Variants in MISP observed in about 807,000 individuals in gnomAD.
MISP encodes the protein mitotic spindle positioning, also known as mitotic interactor and substrate of PLK1.
A neutral mutation model predicts 49.3 loss-of-function variants in MISP; 51 were observed. That is an observed-to-expected ratio of 1.03 (90% CI 0.83 to 1.31). The LOEUF is 1.31. MISP is among the 50% of genes most tolerant of loss of function. MISP has a pLI of 0.00. For missense variants in MISP, 1,084 were observed against 935.1 expected, an observed-to-expected ratio of 1.16 and a Z score of -2.08; for synonymous variants, 444 against 392.6, an observed-to-expected ratio of 1.13 and a Z score of -1.55.
At position 757,602 on chromosome 19, in the gene MISP, C is replaced by A. The variant is rs189638901; in HGVS notation, c.656C>A (p.Thr219Asn). 1 of 1,612,686 alleles carries A rather than the reference C, an allele frequency of 6.2e-7. No homozygotes were observed. The highest frequency in any genetic ancestry group is 2.2e-5 in the East Asian group (1 of 44,824). Residue 219 changes from threonine to asparagine, a missense_variant, in exon 2 of 5, where the codon ACC becomes AAC. Coordinates refer to ENST00000215582, the MANE Select transcript of MISP (RefSeq NM_173481.4). ...CCTCATAGCTCCCCGGCCAGGGGGA[C>A]CCCTGCAGGCACAACCCCAGGGGCC... Reference protein sequence around the residue: ...GAPHSSPARGTPAGTTPGASQ... With the variant: ...GAPHSSPARGNPAGTTPGASQ...
rs1001786524 is a variant in MISP, at chr19:757,251, C to G, written c.305C>G (p.Ala102Gly). 7.4e-6 allele frequency: 12 copies of G among 1,613,768 alleles called. No individual in the cohort carries two copies. The highest frequency in any genetic ancestry group is 1.0e-5 in the Non-Finnish European group (12 of 1,179,984). Residue 102 changes from alanine (A) to glycine (G), a missense_variant, in exon 2 of 5, where the codon GCC becomes GGC. Ala to Gly is a moderately conservative substitution (Grantham distance 60). Coordinates refer to ENST00000215582, the MANE Select transcript of MISP (RefSeq NM_173481.4). ...WQVYRLGARD[A>G]HQGRPTWALR... ...GTTTACCGCCTGGGCGCCAGGGATG[C>G]CCACCAGGGACGTCCAACATGGGCA... is the stretch of plus-strand genomic sequence containing the variant.
At chr19:751,707 G>A (rs1005243000) in intron 1 of MISP, among the ~76,000 whole-genome samples, 2 of 152,118 alleles carry the variant, frequency 1.3e-5, no homozygotes, top group Non-Finnish European at 2.9e-5. Context: ...CTGGGTCCTC[G>A]GGTGGGGGTG....
At position 757,996 on chromosome 19, in the gene MISP, C is replaced by A; in HGVS notation, c.1050C>A (p.Tyr350Ter). Reference sequence around the variant, plus strand: ...GGGAGAGAGGGCGCCCGTCCCTCTACGTGCAGCGGGACATAGTACAGGAGA... The same window carrying A: ...GGGAGAGAGGGCGCCCGTCCCTCTAAGTGCAGCGGGACATAGTACAGGAGA... ...PRRERGRPSL[Y>*]VQRDIVQETQ... The change falls in exon 2 of 5, where the codon TAC (tyrosine) becomes TAA (stop). Residue 350 changes from tyrosine (Y) to a stop codon, truncating the protein, a stop_gained. Coordinates refer to ENST00000215582, the MANE Select transcript of MISP (RefSeq NM_173481.4). LOFTEE classifies it high-confidence loss of function. The A allele has an allele frequency of 6.3e-7, 1 of 1,575,958 alleles. No homozygotes were observed. The highest frequency in any genetic ancestry group is 8.6e-7 in the Non-Finnish European group (1 of 1,165,602).
chr19:751,860 C>T (rs909420904), intron 1 of MISP, among the ~76,000 whole-genome samples: 1 of 152,200 alleles, frequency 6.6e-6, no homozygotes, highest in Non-Finnish European at 1.5e-5. Context: ...CGGGGCCCTC[C>T]CTTCTGCATG....
In MISP at chr19:754,590, G is replaced by A. The variant is rs112746302; in HGVS notation, c.-57-2300G>A. ...TGCAGTGAGCTGAGATCACGCTACCGCAGTCCAGCCTGTGCATCGCAGCGA... is the reference window on the plus strand; with the variant it reads ...TGCAGTGAGCTGAGATCACGCTACCACAGTCCAGCCTGTGCATCGCAGCGA... On this transcript the variant is annotated intron_variant, in intron 1 of 4. Transcript: ENST00000215582. 7.7e-3 allele frequency among the ~76,000 whole-genome samples: 1,171 copies of A among 152,356 alleles called. 15 individuals are homozygous for A. Among genetic ancestry groups the A allele is most frequent in the African/African-American group, 0.027 (1,113 of 41,576 alleles).
intron 3 of MISP, among the ~76,000 whole-genome samples, chr19:761,085 CTTTTTTTTTT>C (rs557194356): frequency 1.1e-5 from 1 of 92,762 alleles, no homozygotes; most frequent in Non-Finnish European, 2.0e-5. Flanking sequence ...ATATTATGTC[CTTTTTTTTTT>C]TTTTTTTTTT....
upstream of MISP, among the ~76,000 whole-genome samples, chr19:748,591 G>A (rs545156207): frequency 1.3e-4 from 20 of 152,298 alleles, no homozygotes; most frequent in East Asian, 1.2e-3. Flanking sequence ...TTCTGCGGCC[G>A]CCCCGTCCTG....
At position 757,473 on chromosome 19, in the gene MISP, C is replaced by G. The variant is rs762157919; in HGVS notation, c.527C>G (p.Pro176Arg). ...DHGDPRTPGP[P>R]RSTPLEENVV... ...GGAGACCCCAGGACCCCCGGCCCAC[C>G]TCGGTCCACGCCCCTGGAGGAGAAC... The change falls in exon 2 of 5, where the codon CCT becomes CGT. Residue 176 changes from proline to arginine, a missense_variant. By Grantham distance (103) the Pro-to-Arg change is moderately radical. Transcript: ENST00000215582. 6.3e-7 allele frequency: 1 copy of G among 1,596,024 alleles called. No homozygotes were observed. The highest frequency in any genetic ancestry group is 8.5e-7 in the Non-Finnish European group (1 of 1,172,088).
At chr19:749,331 A>C (rs77199163), upstream of MISP, among the ~76,000 whole-genome samples, 7,737 of 151,728 alleles carry the variant, frequency 0.051, 500 homozygotes, top group East Asian at 0.34. Flanking sequence ...TCCAGCCTAA[A>C]CCCCCGCCAT....
chr19:750,738 G>A (rs535057328), upstream of MISP, among the ~76,000 whole-genome samples: 2 of 152,250 alleles, frequency 1.3e-5, no homozygotes, highest in South Asian at 4.1e-4. Context: ...AGGCACGGAC[G>A]GGATTGGGAC....
At position 758,512 on chromosome 19, in the gene MISP, C is replaced by A. The variant is rs773627416; in HGVS notation, c.1566C>A (p.Val522=). 29 of 1,613,980 alleles carry A rather than the reference C, an allele frequency of 1.8e-5. No individual in the cohort carries two copies. The highest frequency in any genetic ancestry group is 2.2e-5 in the Non-Finnish European group (26 of 1,179,964). The change falls in exon 2 of 5, where the codon GTC becomes GTA. Residue 522 remains valine (V), a synonymous_variant. Transcript: ENST00000215582. ...CAGACGAGCCCCAGCAGGCCCAAGTCCCCCATGTCTGGGGCTGGGAGGTGG... is the reference window on the plus strand; with the variant it reads ...CAGACGAGCCCCAGCAGGCCCAAGTACCCCATGTCTGGGGCTGGGAGGTGG... ...RAPDEPQQAQ[V]PHVWGWEVAG...
chr19:755,077 C>T (rs145348221), intron 1 of MISP, among the ~76,000 whole-genome samples: 1 of 151,600 alleles, frequency 6.6e-6, no homozygotes, highest in South Asian at 2.1e-4. Context: ...GAGGGCCTGG[C>T]TTGGGGTGGA....
At chr19:759,047 G>A (rs564478635) in intron 2 of MISP, among the ~76,000 whole-genome samples, 284 of 152,076 alleles carry the variant, frequency 1.9e-3, no homozygotes, top group South Asian at 0.015. Context: ...TTTTTGAGAC[G>A]GAGTCTCGCT....
rs1427385106 is a variant in MISP at position 757,317 on chromosome 19, A to G, written c.371A>G (p.Tyr124Cys). 11 of 1,613,954 alleles carry G rather than the reference A, an allele frequency of 6.8e-6. No homozygotes were observed. The highest frequency in any genetic ancestry group is 9.3e-6 in the Non-Finnish European group (11 of 1,179,956). ...GGGGAGGACAAGGAGATGAAGACCT[A>G]CCGCCTGGATGCTGGGGACGCTGAC... ...EDGEDKEMKT[Y>C]RLDAGDADPR... Residue 124 changes from tyrosine to cysteine, a missense_variant, in exon 2 of 5, where the codon TAC becomes TGC. Tyr to Cys is a radical substitution (Grantham distance 194). Coordinates refer to ENST00000215582, the MANE Select transcript of MISP (RefSeq NM_173481.4).
intron 3 of MISP, among the ~76,000 whole-genome samples, chr19:760,656 C>T (rs375392060): frequency 4.0e-5 from 6 of 151,588 alleles, no homozygotes; most frequent in African/African-American, 1.5e-4. Flanking sequence ...TGAGCCACTG[C>T]ACCTGGCCAC....
chr19:757,240 C>A lies in MISP; in HGVS notation c.294C>A (p.Gly98=), dbSNP rs564559608. The A allele has an allele frequency of 8.1e-6, 13 of 1,613,820 alleles. No homozygotes were observed. The African/African-American group carries it at 1.1e-4, about 13-fold the overall frequency. ...EDEGWQVYRL[G]ARDAHQGRPT... ...AGGGTTGGCAGGTTTACCGCCTGGG[C>A]GCCAGGGATGCCCACCAGGGACGTC... Residue 98 remains glycine (G), a synonymous_variant, in exon 2 of 5, where the codon GGC becomes GGA. Transcript: ENST00000215582.
intron 4 of MISP, among the ~76,000 whole-genome samples, chr19:763,295 C>G (rs914214952): frequency 6.6e-5 from 10 of 152,106 alleles, no homozygotes. Context: ...ACAAAAAAGC[C>G]AAATACAGAC....
chr19:749,442 C>T (rs981861751), upstream of MISP, among the ~76,000 whole-genome samples: 8 of 152,362 alleles, frequency 5.3e-5, no homozygotes, highest in East Asian at 1.9e-4. Context: ...CGGTGGGAGG[C>T]GCCGTGAGGC....
At chr19:748,824 C>T (rs117072087), upstream of MISP, among the ~76,000 whole-genome samples, 863 of 152,296 alleles carry the variant, frequency 5.7e-3, 8 homozygotes, top group Admixed American at 8.7e-3. Flanking sequence ...TCCTCTGGGC[C>T]TCAGTTTTCC....
Sources: allele counts gnomAD v4.1 joint callset (sites outside exome capture counted in the v4.1 genomes callset), GRCh38; gene constraint gnomAD v4.1.1; transcripts MANE v1.5; gene names NCBI Gene and HGNC (gene_info 2026-07-23, HGNC 2026-07-21).